The following TENM2 variants were observed in gnomAD, a reference collection of about 807,000 sequenced individuals.
TENM2 encodes teneurin-2.
TENM2 carries 52 observed loss-of-function variants against 245.2 expected under a neutral mutation model. The ratio of observed to expected loss-of-function variants is 0.21; its 90% CI spans 0.17 to 0.27. The LOEUF is 0.27. Ranked by LOEUF, TENM2 falls within the 10% of genes least tolerant of loss-of-function variation. TENM2 has a pLI of 1.00. For synonymous variants in TENM2, 1,363 were observed against 1,438.9 expected (o/e 0.95, Z 1.19); for missense variants, 3,046 against 3,666.8 (o/e 0.83, Z 4.37).
At chr5:167,253,880 AGC>A in the TENM2 span, among the ~76,000 whole-genome samples, 7 of 152,100 alleles carry the variant, frequency 4.6e-5, no homozygotes, top group Non-Finnish European at 1.0e-4. Flanking sequence ...CTGCAACTAA[AGC>A]TCTGAAGATT....
the TENM2 span, among the ~76,000 whole-genome samples, chr5:167,081,558 G>C: frequency 6.6e-6 from 1 of 152,146 alleles, no homozygotes; most frequent in Non-Finnish European, 1.5e-5. Flanking sequence ...ATTGCAGGCA[G>C]AAAGCAAAGG....
At chr5:167,076,784 G>C in the TENM2 span, among the ~76,000 whole-genome samples, 44 of 152,084 alleles carry the variant, frequency 2.9e-4, no homozygotes, top group Non-Finnish European at 6.0e-4. Context: ...TGTCAGCATA[G>C]AAACACCCTT....
intron 3 of TENM2, among the ~76,000 whole-genome samples, chr5:167,916,907 C>T (rs975955722): frequency 5.3e-5 from 8 of 152,110 alleles, no homozygotes; most frequent in African/African-American, 1.7e-4. Context: ...GTTGCCCTCA[C>T]GTGGTTTTGG....
At chr5:167,756,907 CTT>C (rs1762345447) in intron 2 of TENM2, among the ~76,000 whole-genome samples, 1 of 151,462 alleles carries the variant, frequency 6.6e-6, no homozygotes, top group African/African-American at 2.4e-5. Context: ...GCCACTGGTT[CTT>C]TGAGAGAACA....
At chr5:167,393,547 G>A (rs1279028777) in intron 2 of TENM2, among the ~76,000 whole-genome samples, 1 of 152,158 alleles carries the variant, frequency 6.6e-6, no homozygotes, top group Non-Finnish European at 1.5e-5. Context: ...TGTGATTGCA[G>A]CAGAATGCAA....
At chr5:167,464,945 A>T (rs567799401) in intron 2 of TENM2, among the ~76,000 whole-genome samples, 54 of 152,320 alleles carry the variant, frequency 3.5e-4, no homozygotes, top group African/African-American at 1.3e-3. Flanking sequence ...GTACAGTTAA[A>T]TCTAACTTAT....
the TENM2 span, among the ~76,000 whole-genome samples, chr5:167,159,329 G>T: frequency 6.6e-6 from 1 of 151,958 alleles, no homozygotes; most frequent in African/African-American, 2.4e-5. Flanking sequence ...AATAAATTGG[G>T]TAATTTTTTA....
chr5:167,858,974 G>A (rs1306475408), intron 2 of TENM2, among the ~76,000 whole-genome samples: 5 of 141,228 alleles, frequency 3.5e-5, no homozygotes, highest in South Asian at 2.3e-4. Context: ...GCCGCCCATC[G>A]TCTGGGATGT....
intron 2 of TENM2, among the ~76,000 whole-genome samples, chr5:167,685,755 A>G (rs975096492): frequency 7.2e-5 from 11 of 152,210 alleles, no homozygotes; most frequent in African/African-American, 2.7e-4. Flanking sequence ...TGGTAAAAAA[A>G]ACACACTGTG....
chr5:167,171,579 A>T, the TENM2 span, among the ~76,000 whole-genome samples: 2 of 152,138 alleles, frequency 1.3e-5, no homozygotes, highest in African/African-American at 4.8e-5. Context: ...CACCTCCAGA[A>T]CTGAAAAAAC....
chr5:168,242,234 G>T (rs1267474102), intron 25 of TENM2, among the ~76,000 whole-genome samples: 1 of 152,212 alleles, frequency 6.6e-6, no homozygotes, highest in Admixed American at 6.5e-5. Flanking sequence ...GCTGCGAAAT[G>T]TGTTTCATTA....
intron 1 of TENM2, among the ~76,000 whole-genome samples, chr5:167,360,778 T>G (rs1364225318): frequency 6.6e-6 from 1 of 152,188 alleles, no homozygotes; most frequent in African/African-American, 2.4e-5. Flanking sequence ...TAGGTATTAT[T>G]AAGCATGTTT....
chr5:167,582,475 TG>T lies in TENM2; in HGVS notation c.502+207005del, dbSNP rs529736281. On this transcript the variant is annotated intron_variant, in intron 2 of 28. Transcript: ENST00000518659. ...CTAGAGGTCAGTAGAATATAAGAAA[TG>T]GGCAAAAATTCATGTCTAGATGAGA... 1.8e-3 allele frequency among the ~76,000 whole-genome samples: 280 copies of T among 152,202 alleles called. 1 individual carries two copies. The highest frequency in any genetic ancestry group is 6.5e-3 in the African/African-American group (269 of 41,534).
At position 168,114,580 on chromosome 5, in the gene TENM2, A is replaced by C. The variant is rs117220038; in HGVS notation, c.1814-3712A>C. Among the ~76,000 whole-genome samples the C allele has an allele frequency of 1.3e-3, 196 of 152,272 alleles. 1 individual carries two copies. In the East Asian group the frequency reaches 0.035, roughly 27 times the overall value. The stretch of plus-strand genomic sequence containing the variant: ...TTGCCCCAGAGGGAAGGTGCTCTCC[A>C]ATGCAGGACACCCCAGCCACCACTG... On this transcript the variant is annotated intron_variant, in intron 9 of 28. Coordinates refer to ENST00000518659, the Ensembl canonical transcript of TENM2.
At chr5:167,049,207 A>C in the TENM2 span, among the ~76,000 whole-genome samples, 1 of 152,224 alleles carries the variant, frequency 6.6e-6, no homozygotes, top group Non-Finnish European at 1.5e-5. Context: ...TTATACCTAC[A>C]CATGTGCTTT....
chr5:167,429,968 T>C (rs911054707), intron 2 of TENM2, among the ~76,000 whole-genome samples: 2 of 152,120 alleles, frequency 1.3e-5, no homozygotes, highest in East Asian at 1.9e-4. Flanking sequence ...TGGGAGAAGA[T>C]AGCATGGCCA....
chr5:168,118,510 A>G (rs748821242), intron 10 of TENM2, 24 bp downstream of exon 12: 3 of 1,488,294 alleles, frequency 2.0e-6, no homozygotes, highest in Non-Finnish European at 2.7e-6. Context: ...CCCCGGGGCT[A>G]GGCAGCAGTG....
At chr5:167,316,056 A>G (rs1183166424) in intron 1 of TENM2, among the ~76,000 whole-genome samples, 1 of 152,144 alleles carries the variant, frequency 6.6e-6, no homozygotes, top group Non-Finnish European at 1.5e-5. Context: ...TATAAAATAT[A>G]AAGTTCTGTG....
At chr5:168,190,223 C>G in intron 13 of TENM2, 114 bp from the exon 16 acceptor site, 1 of 718,088 alleles carries the variant, frequency 1.4e-6, no homozygotes, top group Non-Finnish European at 2.3e-6. Context: ...CACCTCAGGC[C>G]CTTGGGTACG....
Sources: gnomAD v4.1 joint callset for allele counts (sites outside exome capture counted in the v4.1 genomes callset) on GRCh38, gnomAD v4.1.1 for gene constraint, MANE v1.5 for transcripts, NCBI Gene and HGNC (gene_info 2026-07-23, HGNC 2026-07-21) for gene names.